Variants in PTPRD observed in about 807,000 individuals in gnomAD.
The protein encoded by PTPRD is protein tyrosine phosphatase receptor type D.
Under a neutral mutation model 214.5 loss-of-function variants are expected in PTPRD, and 34 were observed. The ratio of observed to expected loss-of-function variants is 0.16; its 90% CI spans 0.12 to 0.21. The LOEUF is 0.21. PTPRD is among the 10% of genes least tolerant of loss of function. PTPRD has a pLI of 1.00. For missense variants in PTPRD, 2,545 were observed against 2,398.7 expected, an observed-to-expected ratio of 1.06 and a Z score of -1.27; for synonymous variants, 1,128 against 845.7, an observed-to-expected ratio of 1.33 and a Z score of -5.79.
intron 7 of PTPRD, among the ~76,000 whole-genome samples, chr9:9,650,177 C>A (rs1036497746): frequency 6.6e-6 from 1 of 152,066 alleles, no homozygotes; most frequent in Non-Finnish European, 1.5e-5. Context: ...GTGGTTTTCC[C>A]CCAACCACTC....
chr9:10,324,890 C>T (rs2096616392), intron 3 of PTPRD, among the ~76,000 whole-genome samples: 1 of 151,990 alleles, frequency 6.6e-6, no homozygotes, highest in Non-Finnish European at 1.5e-5. Context: ...TATAAGTCAA[C>T]AAAGCAAATC....
intron 4 of PTPRD, among the ~76,000 whole-genome samples, chr9:9,948,364 G>T (rs1363841133): frequency 3.9e-5 from 6 of 152,004 alleles, no homozygotes; most frequent in African/African-American, 1.4e-4. Flanking sequence ...CCTTATTGCT[G>T]CCACTCTTCT....
chr9:9,662,222 C>T (rs945135146), intron 7 of PTPRD, among the ~76,000 whole-genome samples: 3 of 151,544 alleles, frequency 2.0e-5, no homozygotes, highest in African/African-American at 7.3e-5. Flanking sequence ...ATTACAGAAC[C>T]TGCTACTATA....
chr9:10,042,759 C>A (rs1567269995), intron 3 of PTPRD, among the ~76,000 whole-genome samples: 1 of 151,852 alleles, frequency 6.6e-6, no homozygotes, highest in Non-Finnish European at 1.5e-5. Flanking sequence ...CATACACTGT[C>A]CTTTTCCCCA....
intron 5 of PTPRD, among the ~76,000 whole-genome samples, chr9:9,935,764 T>C (rs868859075): frequency 3.8e-3 from 531 of 140,862 alleles, no homozygotes; most frequent in African/African-American, 8.5e-3. Flanking sequence ...AAGCCCGCAT[T>C]GCCAAGTCAA....
intron 2 of PTPRD, among the ~76,000 whole-genome samples, chr9:10,528,849 T>C (rs939960727): frequency 6.6e-6 from 1 of 152,320 alleles, no homozygotes; most frequent in African/African-American, 2.4e-5. Flanking sequence ...ATATTCATAT[T>C]AGTTACTCAA....
intron 10 of PTPRD, among the ~76,000 whole-genome samples, chr9:9,175,952 T>C (rs2099924583): frequency 6.6e-6 from 1 of 152,188 alleles, no homozygotes; most frequent in Non-Finnish European, 1.5e-5. Context: ...GTCTTTTATA[T>C]ATCACTCTTG....
At chr9:8,396,949 G>C (rs1241469588) in intron 36 of PTPRD, among the ~76,000 whole-genome samples, 1 of 152,000 alleles carries the variant, frequency 6.6e-6, no homozygotes, top group Non-Finnish European at 1.5e-5. Context: ...TTTTTAAAAA[G>C]TACCACGAAA....
intron 5 of PTPRD, among the ~76,000 whole-genome samples, chr9:9,899,289 G>T (rs191072285): frequency 9.1e-4 from 139 of 152,060 alleles, no homozygotes; most frequent in African/African-American, 3.3e-3. Flanking sequence ...AAAAAGTACT[G>T]TACTTCTGAA....
intron 9 of PTPRD, among the ~76,000 whole-genome samples, chr9:9,302,321 T>C (rs571305429): frequency 1.3e-5 from 2 of 152,114 alleles, no homozygotes; most frequent in African/African-American, 4.8e-5. Flanking sequence ...ATGTCTCTTC[T>C]ATTGCATCCC....
At chr9:10,316,780 A>G (rs2096445868) in intron 3 of PTPRD, among the ~76,000 whole-genome samples, 1 of 151,922 alleles carries the variant, frequency 6.6e-6, no homozygotes, top group South Asian at 2.1e-4. Context: ...TTAGATTAAG[A>G]TTTTAGCATT....
At chr9:9,690,273 A>G (rs2097246365) in intron 7 of PTPRD, among the ~76,000 whole-genome samples, 1 of 151,820 alleles carries the variant, frequency 6.6e-6, no homozygotes, top group Non-Finnish European at 1.5e-5. Flanking sequence ...CCTGTTGGCC[A>G]TTTGTGTGTC....
At chr9:10,315,662 G>A (rs879559070) in intron 3 of PTPRD, among the ~76,000 whole-genome samples, 3 of 151,756 alleles carry the variant, frequency 2.0e-5, no homozygotes, top group African/African-American at 4.8e-5. Context: ...CCTAAGATAC[G>A]ACAAATAATT....
At position 8,638,544 on chromosome 9, in the gene PTPRD, T is replaced by C. The variant is rs143458963; in HGVS notation, c.65-1700A>G. On this transcript the variant is annotated intron_variant, in intron 12 of 45. Coordinates refer to ENST00000381196, the MANE Select transcript of PTPRD (RefSeq NM_002839.4). The stretch of plus-strand genomic sequence containing the variant: ...TATGAAATAAATTAATTTGCAGAAA[T>C]TGCTTCCAGTTTCAAGGTTTCCTAG... 1.2e-3 allele frequency among the ~76,000 whole-genome samples: 189 copies of C among 152,308 alleles called. 1 individual carries two copies. The East Asian group carries it at 0.014, about 11-fold the overall frequency.
In PTPRD at chr9:9,911,890, T is replaced by A. The variant is rs2079294943; in HGVS notation, c.-368+26617A>T. Among the ~76,000 whole-genome samples, 5 of 152,114 alleles carry A rather than the reference T, an allele frequency of 3.3e-5. No individual in the cohort carries two copies. In the South Asian group the frequency reaches 1.0e-3, roughly 31 times the overall value. ...AAATCTTCAAAAGTGGCCAGGTCAT[T>A]TTTACTTAAAATACAAAGAGATCAT... On this transcript the variant is annotated intron_variant, in intron 5 of 45. Transcript: ENST00000381196.
chr9:8,960,581 T>G (rs2099153725), intron 11 of PTPRD, among the ~76,000 whole-genome samples: 1 of 152,060 alleles, frequency 6.6e-6, no homozygotes, highest in South Asian at 2.1e-4. Flanking sequence ...GATCAAATAT[T>G]GAAGTATTGA....
intron 39 of PTPRD, among the ~76,000 whole-genome samples, chr9:8,370,207 TACACACAC>T (rs78658053): frequency 2.4e-5 from 2 of 81,974 alleles, no homozygotes; most frequent in Admixed American, 9.5e-5. Context: ...CATATATATA[TACACACAC>T]ACACACACAC....
intron 5 of PTPRD, among the ~76,000 whole-genome samples, chr9:9,858,785 A>G (rs2062058838): frequency 1.3e-5 from 2 of 152,210 alleles, no homozygotes; most frequent in South Asian, 4.1e-4. Context: ...ATTTACCCAA[A>G]TCAACAGTTA....
intron 39 of PTPRD, among the ~76,000 whole-genome samples, chr9:8,371,044 C>G (rs2081363679): frequency 6.6e-6 from 1 of 152,008 alleles, no homozygotes; most frequent in Non-Finnish European, 1.5e-5. Context: ...GCTCAACTAT[C>G]CTGAACTATT....
Sources: gnomAD v4.1 joint callset for allele counts (sites outside exome capture counted in the v4.1 genomes callset) on GRCh38, gnomAD v4.1.1 for gene constraint, MANE v1.5 for transcripts, NCBI Gene and HGNC (gene_info 2026-07-23, HGNC 2026-07-21) for gene names.